The following VLDLR variants were observed in gnomAD, a reference collection of about 807,000 sequenced individuals.
The protein encoded by VLDLR is very low density lipoprotein receptor, also known as very low-density lipoprotein receptor.
In VLDLR, 81 loss-of-function variants were observed where a neutral mutation model predicts 112.7. The observed-to-expected ratio is 0.72, with a 90% CI of 0.60 to 0.86. The LOEUF (loss-of-function observed/expected upper bound fraction) is 0.86, where lower values mean the gene tolerates loss of function less well. Among genes scored for constraint, VLDLR ranks in the 40% least tolerant of loss-of-function variants. The pLI is 0.00. For missense variants in VLDLR, 1,237 were observed against 1,099.4 expected (o/e 1.13, Z -1.77); for synonymous variants, 436 against 384.8 (o/e 1.13, Z -1.56).
chr9:2,652,214 C>CT (rs951224893), intron 17 of VLDLR, among the ~76,000 whole-genome samples: 1 of 152,190 alleles, frequency 6.6e-6, no homozygotes, highest in Non-Finnish European at 1.5e-5. Context: ...GTTAACCTGG[C>CT]TTATCCCCTT....
chr9:2,621,925 A>C lies in VLDLR; in HGVS notation c.-265A>C. On this transcript the variant is annotated 5_prime_UTR_variant, in exon 1 of 19. Coordinates refer to ENST00000382100, the MANE Select transcript of VLDLR (RefSeq NM_003383.5). ...GCCTCCCCTCCTCTGCAGCGCCTGC[A>C]TTATTTTCTGCCCGCAGGCTCGGCT... 1 of 628,316 alleles carries C rather than the reference A, an allele frequency of 1.6e-6. No individual in the cohort carries two copies. The highest frequency in any genetic ancestry group is 2.9e-6 in the Non-Finnish European group (1 of 342,572). 38.9% of individuals were successfully genotyped at this position (628,316 alleles called of 1,614,324 possible). A position where few individuals can be genotyped will look rare whatever the true frequency, so the allele number is the denominator to read the frequency against.
intron 1 of VLDLR, among the ~76,000 whole-genome samples, chr9:2,629,922 A>C (rs10812367): frequency 0.22 from 33,262 of 152,106 alleles, 4,590 homozygotes; most frequent in East Asian, 0.48. Flanking sequence ...TCAGCCTCCC[A>C]AGGAGCTGGG....
rs1348760041 is a variant in VLDLR, at chr9:2,651,923, G to T, written c.2385G>T (p.Gly795=). 6.2e-7 allele frequency: 1 copy of T among 1,614,064 alleles called. No individual in the cohort carries two copies. The highest frequency in any genetic ancestry group is 8.5e-7 in the Non-Finnish European group (1 of 1,179,968). The change falls in exon 17 of 19, where the codon GGG becomes GGT. Residue 795 remains glycine, a synonymous_variant. Coordinates refer to ENST00000382100, the MANE Select transcript of VLDLR (RefSeq NM_003383.5). The part of the protein sequence containing the change: ...AVSEVSVPPK[G]TSAAWAILPL... Reference sequence around the variant, plus strand: ...CAGAGGTCAGTGTTCCCCCAAAAGGGACTTCTGCCGCATGGGCCATTCTTC... The same window carrying T: ...CAGAGGTCAGTGTTCCCCCAAAAGGTACTTCTGCCGCATGGGCCATTCTTC...
chr9:2,658,821 C>T lies in VLDLR; in HGVS notation c.*4953C>T, dbSNP rs991500184. ...ACTTTACCGGTGAAAGTCACAGGTA[C>T]CTTTATCTATGATGAATGTAATGTG... On this transcript the variant is annotated 3_prime_UTR_variant, in exon 19 of 19. Transcript: ENST00000382100. 6.6e-6 allele frequency: 1 copy of T among 152,122 alleles called. No individual in the cohort carries two copies. Among genetic ancestry groups the T allele is most frequent in the Non-Finnish European group, 1.5e-5 (1 of 68,030 alleles). The allele number at this position is 152,122 out of a possible 1,614,324, so 9.4% of individuals were successfully genotyped here.
chr9:2,639,962 T>A lies in VLDLR; in HGVS notation c.306T>A (p.Asp102Glu). Residue 102 changes from aspartate (D) to glutamate (E), a missense_variant, in exon 3 of 19, where the codon GAT becomes GAA. Asp to Glu is a conservative substitution (Grantham distance 45). Coordinates refer to ENST00000382100, the MANE Select transcript of VLDLR (RefSeq NM_003383.5). ...ATCCTGACTGCGAAGATGGTTCAGATGAAAGCCCAGAACAGTGCCGTGAGT... is the reference window on the plus strand; with the variant it reads ...ATCCTGACTGCGAAGATGGTTCAGAAGAAAGCCCAGAACAGTGCCGTGAGT... ...DGDPDCEDGS[D>E]ESPEQCHMRT... 6.2e-7 allele frequency: 1 copy of A among 1,614,208 alleles called. No individual in the cohort carries two copies.
At chr9:2,649,869 A>G (rs1818243512) in intron 14 of VLDLR, among the ~76,000 whole-genome samples, 1 of 152,166 alleles carries the variant, frequency 6.6e-6, no homozygotes, top group South Asian at 2.1e-4. Flanking sequence ...GACACACCTG[A>G]TATAGGATTG....
chr9:2,645,995 T>TAAA (rs1818052260), intron 10 of VLDLR, among the ~76,000 whole-genome samples: 1 of 152,196 alleles, frequency 6.6e-6, no homozygotes, highest in Admixed American at 6.5e-5. Flanking sequence ...TCTCTACAGT[T>TAAA]AATTGAGAAC....
intron 18 of VLDLR, 127 bp downstream of exon 18, chr9:2,653,076 A>G (rs1169972493): frequency 1.6e-6 from 2 of 1,231,090 alleles, no homozygotes; most frequent in East Asian, 2.4e-5. Context: ...CTACCTGGCT[A>G]TTAGACAGAC....
rs752488386 is a variant in VLDLR, at chr9:2,639,808, G to T, written c.203-51G>T. The T allele has an allele frequency of 1.9e-6, 3 of 1,613,722 alleles. No homozygotes were observed. The African/African-American group carries it at 4.0e-5, about 22-fold the overall frequency. ...CAGTATGAGCCCTCATGTGAAGCTA[G>T]GGCTGTGGGTAAATGACTTCAACTT... is the stretch of plus-strand genomic sequence containing the variant. On this transcript the variant is annotated intron_variant, in intron 2 of 18. Transcript: ENST00000382100.
intron 1 of VLDLR, 110 bp downstream of exon 1, chr9:2,622,381 G>C (rs1266249242): frequency 3.1e-6 from 3 of 966,028 alleles, no homozygotes; most frequent in Non-Finnish European, 4.2e-6. Context: ...GGCGCCTCTC[G>C]GTTCTCCTCG....
At chr9:2,641,263 C>CA in intron 3 of VLDLR, 114 bp from the exon 4 acceptor site, 1 of 1,539,656 alleles carries the variant, frequency 6.5e-7, no homozygotes. Context: ...AGTAGAATTT[C>CA]ACCAGTGTGC....
intron 4 of VLDLR, among the ~76,000 whole-genome samples, chr9:2,641,903 A>C (rs1400545886): frequency 6.6e-6 from 1 of 152,024 alleles, no homozygotes; most frequent in Admixed American, 6.5e-5. Context: ...TTATTGGAAT[A>C]AATTATTTGA....
chr9:2,643,865 C>T lies in VLDLR; in HGVS notation c.972C>T (p.Phe324=). ...ATCAGTGCTTGGGCCCTGGAAAATTCAAGTGCAGAAGTGGAGAATGCATAG... is the reference window on the plus strand; with the variant it reads ...ATCAGTGCTTGGGCCCTGGAAAATTTAAGTGCAGAAGTGGAGAATGCATAG... ...NVNQCLGPGK[F]KCRSGECIDI... The change falls in exon 7 of 19, where the codon TTC becomes TTT. Residue 324 remains phenylalanine, a synonymous_variant. Coordinates refer to ENST00000382100, the MANE Select transcript of VLDLR (RefSeq NM_003383.5). The T allele has an allele frequency of 6.2e-7, 1 of 1,614,172 alleles. No homozygotes were observed. Among genetic ancestry groups the T allele is most frequent in the Non-Finnish European group, 8.5e-7 (1 of 1,180,038 alleles).
Position 2,648,144 on chromosome 9 carries a change from T to C in VLDLR, c.1823-64T>C, listed in dbSNP as rs1586656068. 3.8e-6 allele frequency: 6 copies of C among 1,599,708 alleles called. No homozygotes were observed. The East Asian group carries it at 1.1e-4, about 30-fold the overall frequency. On this transcript the variant is annotated intron_variant, in intron 12 of 18. Coordinates refer to ENST00000382100, the MANE Select transcript of VLDLR (RefSeq NM_003383.5). ...GAAAGTAGATTATTAATTCATTAGA[T>C]ATTTTTAATGGAAGCCAGAGTAGTA... is the stretch of plus-strand genomic sequence containing the variant.
Position 2,637,886 on chromosome 9 carries a change from T to G in VLDLR, c.203-1973T>G, listed in dbSNP as rs141786085. Among the ~76,000 whole-genome samples, 1,390 of 152,190 alleles carry G rather than the reference T, an allele frequency of 9.1e-3. 26 individuals are homozygous for G. The highest frequency in any genetic ancestry group is 0.031 in the African/African-American group (1,303 of 41,510). ...TGAACCCGGGAGGCGGAGCTTGCAG[T>G]GAGCCAAGACCACGCCACTGCACTC... is the stretch of plus-strand genomic sequence containing the variant. On this transcript the variant is annotated intron_variant, in intron 2 of 18. Transcript: ENST00000382100.
chr9:2,651,918 A>G lies in VLDLR; in HGVS notation c.2380A>G (p.Lys794Glu), dbSNP rs1563767821. The stretch of plus-strand genomic sequence containing the variant: ...AGTATCAGAGGTCAGTGTTCCCCCA[A>G]AAGGGACTTCTGCCGCATGGGCCAT... ...TAVSEVSVPP[K>E]GTSAAWAILP... is the part of the protein sequence containing the mutation. Residue 794 changes from lysine to glutamate, a missense_variant, in exon 17 of 19, where the codon AAA (lysine) becomes GAA (glutamate). Transcript: ENST00000382100. 1 of 1,614,084 alleles carries G rather than the reference A, an allele frequency of 6.2e-7. No individual in the cohort carries two copies. Among genetic ancestry groups the G allele is most frequent in the East Asian group, 2.2e-5 (1 of 44,872 alleles).
At position 2,630,861 on chromosome 9, in the gene VLDLR, A is replaced by G. The variant is rs535885073; in HGVS notation, c.83-4592A>G. ...TTAAACTAAAAAGCTTCTGCACAGC[A>G]AAAGAAATAATCAACAAAGTGAAGA... is the stretch of plus-strand genomic sequence containing the variant. On this transcript the variant is annotated intron_variant, in intron 1 of 18. Transcript: ENST00000382100. 2.0e-5 allele frequency among the ~76,000 whole-genome samples: 3 copies of G among 152,364 alleles called. No homozygotes were observed. The East Asian group carries it at 5.8e-4, about 29-fold the overall frequency.
chr9:2,654,964 C>G lies in VLDLR; in HGVS notation c.*1096C>G, dbSNP rs940037093. On this transcript the variant is annotated 3_prime_UTR_variant, in exon 19 of 19. Transcript: ENST00000382100. ...AATGGCATTCTTGAACAGTCTAAGG[C>G]AGGTTTCTCAGTGTGGTCCTGAGAA... is the stretch of plus-strand genomic sequence containing the variant. 2 of 152,138 alleles carry G rather than the reference C, an allele frequency of 1.3e-5. No individual in the cohort carries two copies. Among genetic ancestry groups the G allele is most frequent in the African/African-American group, 4.8e-5 (2 of 41,428 alleles). The allele number at this position is 152,138 out of a possible 1,614,324, so 9.4% of individuals were successfully genotyped here.
rs1405965102 is a variant in VLDLR, at chr9:2,657,219, A to G, written c.*3351A>G. The G allele has an allele frequency of 6.6e-6, 1 of 152,208 alleles. No homozygotes were observed. The highest frequency in any genetic ancestry group is 1.5e-5 in the Non-Finnish European group (1 of 68,036). 9.4% of individuals were successfully genotyped at this position (152,208 alleles called of 1,614,324 possible). A position where few individuals can be genotyped will look rare whatever the true frequency, so the allele number is the denominator to read the frequency against. On this transcript the variant is annotated 3_prime_UTR_variant, in exon 19 of 19. Coordinates refer to ENST00000382100, the MANE Select transcript of VLDLR (RefSeq NM_003383.5). ...CGTAATCTAACTGGAATAATTTCCT[A>G]GAATTCTTACTAGTGAAATCTTACC...
Sources: gnomAD v4.1 joint callset for allele counts (sites outside exome capture counted in the v4.1 genomes callset) on GRCh38, gnomAD v4.1.1 for gene constraint, MANE v1.5 for transcripts, NCBI Gene and HGNC (gene_info 2026-07-23, HGNC 2026-07-21) for gene names.